Variants in PTH2R observed in about 807,000 individuals in gnomAD.
PTH2R encodes PTH2 receptor.
PTH2R carries 59 observed loss-of-function variants against 60.3 expected under a neutral mutation model. The observed-to-expected ratio is 0.98, with a 90% confidence interval of 0.79 to 1.22. PTH2R has a LOEUF of 1.22. Ranked by LOEUF, PTH2R falls within the 50% of genes most tolerant of loss-of-function variation. The probability of loss-of-function intolerance (pLI) is 0.00; values close to 1 mark genes in which losing one functional copy is unlikely to be tolerated. For synonymous variants in PTH2R, 256 were observed against 243.8 expected (o/e 1.05, Z -0.47); for missense variants, 749 against 682.6 (o/e 1.10, Z -1.08).
chr2:208,482,825 G>T (rs374794653), intron 10 of PTH2R, among the ~76,000 whole-genome samples: 6 of 152,154 alleles, frequency 3.9e-5, no homozygotes, highest in African/African-American at 1.4e-4. Flanking sequence ...CCGTTTATAG[G>T]CTCTCCACAA....
intron 1 of PTH2R, 144 bp downstream of exon 1, chr2:208,407,262 G>C (rs1381539575): frequency 1.8e-6 from 1 of 555,600 alleles, no homozygotes; most frequent in Non-Finnish European, 2.8e-6. Context: ...AGGCGTACCC[G>C]GCAGGTGCTG....
intron 1 of PTH2R, among the ~76,000 whole-genome samples, chr2:208,419,209 C>T (rs1162546210): frequency 6.6e-6 from 1 of 152,148 alleles, no homozygotes; most frequent in Non-Finnish European, 1.5e-5. Flanking sequence ...TAATGATTGC[C>T]ATTCTAACTG....
At chr2:208,377,848 A>T (rs898904352) in intron 1 of PTH2R, among the ~76,000 whole-genome samples, 3 of 150,444 alleles carry the variant, frequency 2.0e-5, no homozygotes, top group Admixed American at 2.0e-4. Flanking sequence ...CACTTCCTAG[A>T]CGTGATGGTG....
intron 12 of PTH2R, among the ~76,000 whole-genome samples, chr2:208,492,729 T>C (rs4675772): frequency 0.57 from 87,064 of 151,970 alleles, 27,502 homozygotes; most frequent in Non-Finnish European, 0.69. Flanking sequence ...TCATCAGGTG[T>C]GTGCTGGCTA....
rs528423996 is a variant in PTH2R, at chr2:208,493,324, A to T, written c.1318A>T (p.Thr440Ser). ...RWNLSVDWKR[T>S]PPCGSRRCGS... Reference sequence around the variant, plus strand: ...GAACCTCTCCGTGGACTGGAAAAGGACACCGCCATGTGGCAGCCGCAGATG... The same window carrying T: ...GAACCTCTCCGTGGACTGGAAAAGGTCACCGCCATGTGGCAGCCGCAGATG... The change falls in exon 13 of 13, where the codon ACA (threonine) becomes TCA (serine). Residue 440 changes from threonine to serine, a missense_variant. Thr to Ser is a moderately conservative substitution (Grantham distance 58). Transcript: ENST00000272847. 206 of 1,552,278 alleles carry T rather than the reference A, an allele frequency of 1.3e-4. 1 individual carries two copies. The South Asian group carries it at 2.4e-3, about 18-fold the overall frequency.
intron 1 of PTH2R, among the ~76,000 whole-genome samples, chr2:208,422,069 C>T (rs1226296985): frequency 6.6e-6 from 1 of 152,102 alleles, no homozygotes; most frequent in East Asian, 1.9e-4. Flanking sequence ...TAATTCAGTC[C>T]AAGTCTGAAG....
chr2:208,493,226 T>C, intron 12 of PTH2R, 38 bp from the exon 13 acceptor site: 1 of 1,454,952 alleles, frequency 6.9e-7, no homozygotes, highest in Admixed American at 2.5e-5. Context: ...GGGTCTCCTT[T>C]AGGATTTCTC....
rs571631251 is a variant in PTH2R, at chr2:208,422,202, A to G, written c.76-5999A>G. On this transcript the variant is annotated intron_variant, in intron 1 of 12. Transcript: ENST00000272847. ...TCCTTCTTCCTCTGCCTTTTATTCAATTGAAACCTTCAACAAATTAGATGA... is the reference window on the plus strand; with the variant it reads ...TCCTTCTTCCTCTGCCTTTTATTCAGTTGAAACCTTCAACAAATTAGATGA... Among the ~76,000 whole-genome samples the G allele has an allele frequency of 4.6e-5, 7 of 152,286 alleles. No individual in the cohort carries two copies. The South Asian group carries it at 6.2e-4, about 14-fold the overall frequency.
intron 9 of PTH2R, among the ~76,000 whole-genome samples, chr2:208,463,450 G>T (rs1182747437): frequency 6.6e-6 from 1 of 152,090 alleles, no homozygotes; most frequent in African/African-American, 2.4e-5. Context: ...TAGCATCCCA[G>T]GTCTGCCCTG....
At chr2:208,449,502 A>T (rs1392660375) in intron 7 of PTH2R, among the ~76,000 whole-genome samples, 1 of 151,342 alleles carries the variant, frequency 6.6e-6, no homozygotes, top group Non-Finnish European at 1.5e-5. Flanking sequence ...AACCTAAGAA[A>T]TAACCAGAAT....
chr2:208,392,091 A>G (rs1173056162), intron 1 of PTH2R, among the ~76,000 whole-genome samples: 2 of 152,206 alleles, frequency 1.3e-5, no homozygotes, highest in Non-Finnish European at 2.9e-5. Flanking sequence ...AGGTATTGAG[A>G]GTCGGGATGT....
intron 2 of PTH2R, among the ~76,000 whole-genome samples, chr2:208,434,108 G>A (rs1702026492): frequency 6.6e-6 from 1 of 152,138 alleles, no homozygotes; most frequent in East Asian, 1.9e-4. Flanking sequence ...GAGGTCAGGA[G>A]TTCAAGACCA....
chr2:208,382,617 G>A (rs1700935182), intron 1 of PTH2R, among the ~76,000 whole-genome samples: 1 of 152,068 alleles, frequency 6.6e-6, no homozygotes, highest in African/African-American at 2.4e-5. Flanking sequence ...TTCTGAGTCT[G>A]ATCCTCCCTA....
At chr2:208,464,366 A>C (rs1202429546) in intron 9 of PTH2R, among the ~76,000 whole-genome samples, 1 of 152,200 alleles carries the variant, frequency 6.6e-6, no homozygotes, top group Non-Finnish European at 1.5e-5. Context: ...CTGGCAAACC[A>C]GGCAGACAGT....
chr2:208,383,900 A>G (rs1700960531), intron 1 of PTH2R, among the ~76,000 whole-genome samples: 1 of 152,230 alleles, frequency 6.6e-6, no homozygotes. Context: ...GATGAAGAGA[A>G]CAGTCAACAG....
At chr2:208,369,871 T>G (rs927315064) in intron 1 of PTH2R, among the ~76,000 whole-genome samples, 1 of 152,086 alleles carries the variant, frequency 6.6e-6, no homozygotes, top group Admixed American at 6.5e-5. Flanking sequence ...ATTGCAACCC[T>G]AAGTTCTCAG....
chr2:208,473,435 G>A (rs1056850105), intron 9 of PTH2R, among the ~76,000 whole-genome samples: 4 of 152,144 alleles, frequency 2.6e-5, no homozygotes, highest in African/African-American at 9.7e-5. Context: ...TCATGATGAT[G>A]GCACCCTAAA....
At chr2:208,479,461 A>G (rs750949698) in intron 9 of PTH2R, among the ~76,000 whole-genome samples, 31 of 152,174 alleles carry the variant, frequency 2.0e-4, no homozygotes, top group Non-Finnish European at 2.9e-4. Flanking sequence ...TCACTCCCCA[A>G]TATCTTCACC....
intron 1 of PTH2R, among the ~76,000 whole-genome samples, chr2:208,396,465 G>GA (rs1471865392): frequency 6.6e-6 from 1 of 151,976 alleles, no homozygotes; most frequent in Non-Finnish European, 1.5e-5. Context: ...AAATTTACAA[G>GA]AAAAAAACAA....
Sources: allele counts gnomAD v4.1 joint callset (sites outside exome capture counted in the v4.1 genomes callset), GRCh38; gene constraint gnomAD v4.1.1; transcripts MANE v1.5; gene names NCBI Gene and HGNC (gene_info 2026-07-23, HGNC 2026-07-21).